The following DHRSX variants were observed in gnomAD, a reference collection of about 807,000 sequenced individuals.
DHRSX encodes the protein polyprenol dehydrogenase.
Under a neutral mutation model 34.0 loss-of-function variants are expected in DHRSX, and 31 were observed. The ratio of observed to expected loss-of-function variants is 0.91; its 90% CI spans 0.69 to 1.23. The LOEUF (loss-of-function observed/expected upper bound fraction) is 1.23, where lower values mean the gene tolerates loss of function less well. DHRSX is among the 50% of genes most tolerant of loss of function. DHRSX has a pLI of 0.00. For synonymous variants in DHRSX, 201 were observed against 183.8 expected, an observed-to-expected ratio of 1.09 and a Z score of -0.76; for missense variants, 414 against 428.1, an observed-to-expected ratio of 0.97 and a Z score of 0.29.
chrX:2,254,382 G>T (rs2041247254), intron 5 of DHRSX, among the ~76,000 whole-genome samples: 1 of 152,138 alleles, frequency 6.6e-6, no homozygotes, highest in Non-Finnish European at 1.5e-5. Context: ...GTTGACTGGA[G>T]CTATTTTTCC....
At chrX:2,475,491 A>G (rs57061245) in intron 1 of DHRSX, among the ~76,000 whole-genome samples, 30,890 of 151,108 alleles carry the variant, frequency 0.2, 4,189 homozygotes, top group African/African-American at 0.39. Flanking sequence ...TTCCCTAACC[A>G]TGGGGCCAAC....
chrX:2,390,563 A>C (rs774066892), intron 3 of DHRSX, among the ~76,000 whole-genome samples: 38 of 152,314 alleles, frequency 2.5e-4, no homozygotes, highest in African/African-American at 8.4e-4. Flanking sequence ...TGTAGCCATC[A>C]CTGCCATGCA....
At chrX:2,243,895 G>C (rs1197575777) in intron 5 of DHRSX, among the ~76,000 whole-genome samples, 1 of 145,768 alleles carries the variant, frequency 6.9e-6, no homozygotes, top group Non-Finnish European at 1.5e-5. Flanking sequence ...TCAGCCTCCA[G>C]AGTAGCTGGG....
rs2042326155 is a variant in DHRSX, at chrX:2,322,661, CGT to C, written c.287-31060_287-31059del. ...CCTCCTGAGTAGCTGGGATTACAGG[CGT>C]GCGCCACCACGCCCGGCTAAAAAAA... On this transcript the variant is annotated intron_variant, in intron 3 of 6. Coordinates refer to ENST00000334651, the MANE Select transcript of DHRSX (RefSeq NM_145177.3). Among the ~76,000 whole-genome samples, 5 of 136,036 alleles carry C rather than the reference CGT, an allele frequency of 3.7e-5. No homozygotes were observed. The Middle Eastern group carries it at 0.012, about 314-fold the overall frequency. The allele number at this position is 136,036 out of a possible 152,430, so 89.2% of individuals were successfully genotyped here. A position where few individuals can be genotyped will look rare whatever the true frequency, so the allele number is the denominator to read the frequency against.
chrX:2,254,319 A>G (rs1036928383), intron 5 of DHRSX, among the ~76,000 whole-genome samples: 2 of 152,208 alleles, frequency 1.3e-5, no homozygotes, highest in African/African-American at 4.8e-5. Context: ...ACATTGTTGC[A>G]TAATCAAATT....
chrX:2,481,136 T>C (rs1406506193), intron 1 of DHRSX, among the ~76,000 whole-genome samples: 1 of 152,220 alleles, frequency 6.6e-6, no homozygotes, highest in African/African-American at 2.4e-5. Context: ...CATTGCACAA[T>C]GTGTACTCGG....
intron 6 of DHRSX, among the ~76,000 whole-genome samples, chrX:2,232,455 C>T (rs1376465901): frequency 6.8e-6 from 1 of 147,032 alleles, no homozygotes; most frequent in Non-Finnish European, 1.6e-5. Flanking sequence ...CCCTGCAGTC[C>T]TGGGGTCTGG....
chrX:2,325,707 T>C (rs1390744661), intron 3 of DHRSX, among the ~76,000 whole-genome samples: 1 of 152,198 alleles, frequency 6.6e-6, no homozygotes, highest in African/African-American at 2.4e-5. Context: ...GCTATGTAAA[T>C]GCCATGCTTG....
chrX:2,465,552 G>A (rs1185396864), intron 1 of DHRSX, among the ~76,000 whole-genome samples: 3 of 151,836 alleles, frequency 2.0e-5, no homozygotes, highest in Admixed American at 6.6e-5. Flanking sequence ...CCTGTCATCC[G>A]AGCACTTTGG....
At chrX:2,229,712 CGTGT>C (rs1569476976) in intron 6 of DHRSX, among the ~76,000 whole-genome samples, 3 of 151,992 alleles carry the variant, frequency 2.0e-5, no homozygotes, top group East Asian at 3.9e-4. Context: ...TTAATGGGTA[CGTGT>C]GTGTATTCAT....
At chrX:2,295,386 G>A (rs2041919869) in intron 3 of DHRSX, among the ~76,000 whole-genome samples, 1 of 152,136 alleles carries the variant, frequency 6.6e-6, no homozygotes, top group African/African-American at 2.4e-5. Context: ...GAGAACACAT[G>A]GACACAGGGA....
In DHRSX at chrX:2,303,596, C is replaced by T. The variant is rs767262886; in HGVS notation, c.287-11993G>A. The stretch of plus-strand genomic sequence containing the variant: ...TTGCAGAACCATGAGCCAATTAAAC[C>T]TCTTTTCTTTATAAATCATCCAATC... On this transcript the variant is annotated intron_variant, in intron 3 of 6. Coordinates refer to ENST00000334651, the MANE Select transcript of DHRSX (RefSeq NM_145177.3). 1.6e-4 allele frequency among the ~76,000 whole-genome samples: 24 copies of T among 152,206 alleles called. No homozygotes were observed. In the South Asian group the frequency reaches 4.8e-3, roughly 30 times the overall value.
chrX:2,465,184 T>C (rs2044473760), intron 1 of DHRSX, among the ~76,000 whole-genome samples: 1 of 152,104 alleles, frequency 6.6e-6, no homozygotes, highest in Non-Finnish European at 1.5e-5. Flanking sequence ...CGTTCCCTAA[T>C]ACAAAAGCTA....
intron 6 of DHRSX, among the ~76,000 whole-genome samples, chrX:2,234,500 C>A (rs1241061856): frequency 1.3e-5 from 2 of 152,258 alleles, no homozygotes; most frequent in Admixed American, 6.5e-5. Context: ...TCCACGCACA[C>A]AGCTGTTTTA....
At chrX:2,391,290 A>G (rs2043332561) in intron 3 of DHRSX, among the ~76,000 whole-genome samples, 1 of 152,178 alleles carries the variant, frequency 6.6e-6, no homozygotes, top group African/African-American at 2.4e-5. Context: ...GTGAAGTTCA[A>G]TAATAAAGAA....
chrX:2,432,724 T>C (rs769120933), intron 1 of DHRSX, among the ~76,000 whole-genome samples: 3 of 152,156 alleles, frequency 2.0e-5, no homozygotes, highest in Non-Finnish European at 2.9e-5. Context: ...CATGAGAAGA[T>C]TGCAAGAAAG....
At chrX:2,325,396 A>G (rs1195940955) in intron 3 of DHRSX, among the ~76,000 whole-genome samples, 2 of 152,032 alleles carry the variant, frequency 1.3e-5, no homozygotes, top group African/African-American at 2.4e-5. Context: ...GGAACTAGGG[A>G]CTAGACACAT....
In DHRSX at chrX:2,263,616, C is replaced by T. The variant is rs183412302; in HGVS notation, c.596+3124G>A. Among the ~76,000 whole-genome samples the T allele has an allele frequency of 4.7e-4, 71 of 150,850 alleles. 1 individual carries two copies. In the East Asian group the frequency reaches 0.012, roughly 26 times the overall value. Reference sequence around the variant, plus strand: ...ACAACCTCCGCCTCCCGGGTTCAAGCGATTCTCCTGCCTCAGCCTCCCGAG... The same window carrying T: ...ACAACCTCCGCCTCCCGGGTTCAAGTGATTCTCCTGCCTCAGCCTCCCGAG... On this transcript the variant is annotated intron_variant, in intron 5 of 6. Transcript: ENST00000334651.
chrX:2,310,299 C>T (rs114953774), intron 3 of DHRSX, among the ~76,000 whole-genome samples: 3,926 of 152,066 alleles, frequency 0.026, 153 homozygotes, highest in African/African-American at 0.082. Flanking sequence ...CCCAGGTGCC[C>T]GAACTGCCGG....
Sources: allele counts gnomAD v4.1 joint callset (sites outside exome capture counted in the v4.1 genomes callset), GRCh38; gene constraint gnomAD v4.1.1; transcripts MANE v1.5; gene names NCBI Gene and HGNC (gene_info 2026-07-23, HGNC 2026-07-21).